FBXL20: variants seen among roughly 807,000 people sequenced by gnomAD.
The protein encoded by FBXL20 is F-box/LRR-repeat protein 20.
In FBXL20, 11 loss-of-function variants were observed where a neutral mutation model predicts 64.0. The ratio of observed to expected loss-of-function variants is 0.17; its 90% confidence interval spans 0.11 to 0.28. FBXL20 has a LOEUF of 0.28. Among genes scored for constraint, FBXL20 ranks in the 10% least tolerant of loss-of-function variants. The pLI is 1.00. For synonymous variants in FBXL20, 184 were observed against 189.0 expected (o/e 0.97, Z 0.22); for missense variants, 303 against 526.2 (o/e 0.58, Z 4.15).
rs151263876 is a variant in FBXL20 at position 39,367,317 on chromosome 17, T to C, written c.43-24076A>G. ...GGACCTCCTGGTTTATCTTTTTCTT[T>C]TCTTTTTTTTTTTTTTGGAGATAGA... On this transcript the variant is annotated intron_variant, in intron 1 of 14. Transcript: ENST00000264658. Among the ~76,000 whole-genome samples the C allele has an allele frequency of 8.8e-3, 1,332 of 151,628 alleles. 14 individuals carry two copies. The highest frequency in any genetic ancestry group is 0.031 in the African/African-American group (1,261 of 41,320).
At chr17:39,267,563 A>G (rs940230569) in intron 12 of FBXL20, among the ~76,000 whole-genome samples, 4 of 152,222 alleles carry the variant, frequency 2.6e-5, no homozygotes, top group Admixed American at 2.0e-4. Context: ...ACTACTCAGT[A>G]TCGATAACTT....
chr17:39,266,458 G>A (rs896310204), intron 12 of FBXL20, among the ~76,000 whole-genome samples: 1 of 152,142 alleles, frequency 6.6e-6, no homozygotes, highest in Non-Finnish European at 1.5e-5. Context: ...GACCTCAGGT[G>A]ATCCACCTAC....
At chr17:39,395,943 C>G (rs1438586562) in intron 1 of FBXL20, among the ~76,000 whole-genome samples, 1 of 151,466 alleles carries the variant, frequency 6.6e-6, no homozygotes, top group African/African-American at 2.4e-5. Context: ...TGCAACTCAT[C>G]CCGGAGGCAT....
At chr17:39,315,845 GA>G (rs2047285161) in intron 2 of FBXL20, among the ~76,000 whole-genome samples, 1 of 93,026 alleles carries the variant, frequency 1.1e-5, no homozygotes, top group African/African-American at 5.8e-5. Context: ...GAGAGAGAGA[GA>G]GAGAGAGAGA....
At chr17:39,398,643 C>T (rs922262848) in intron 1 of FBXL20, among the ~76,000 whole-genome samples, 1 of 152,066 alleles carries the variant, frequency 6.6e-6, no homozygotes, top group African/African-American at 2.4e-5. Flanking sequence ...GGATGCTACA[C>T]ATCTGGCTAA....
At chr17:39,282,064 G>A (rs1289730337) in intron 8 of FBXL20, among the ~76,000 whole-genome samples, 1 of 152,096 alleles carries the variant, frequency 6.6e-6, no homozygotes, top group Admixed American at 6.6e-5. Flanking sequence ...CCCTCTCATC[G>A]TGATAAAAGA....
At chr17:39,291,562 T>C (rs923826766) in intron 6 of FBXL20, among the ~76,000 whole-genome samples, 2 of 151,292 alleles carry the variant, frequency 1.3e-5, no homozygotes, top group African/African-American at 2.4e-5. Flanking sequence ...GTCTCCCAAG[T>C]ATCTGGGACC....
intron 2 of FBXL20, among the ~76,000 whole-genome samples, chr17:39,340,090 C>G (rs1161575931): frequency 6.6e-6 from 1 of 152,156 alleles, no homozygotes. Context: ...CCATGCCCAG[C>G]TAATTCCTGG....
chr17:39,350,582 C>T lies in FBXL20; in HGVS notation c.43-7341G>A, dbSNP rs531286271. 9.3e-5 allele frequency among the ~76,000 whole-genome samples: 14 copies of T among 150,638 alleles called. 1 individual carries two copies. The South Asian group carries it at 2.9e-3, about 32-fold the overall frequency. ...CTTTGGTCTATATAAACTGAGAATG[C>T]TGCTGCCTCTGTAGGAGCATTAAAG... is the stretch of plus-strand genomic sequence containing the variant. On this transcript the variant is annotated intron_variant, in intron 1 of 14. Coordinates refer to ENST00000264658, the MANE Select transcript of FBXL20 (RefSeq NM_032875.3).
At chr17:39,306,566 A>G (rs374404510) in intron 2 of FBXL20, among the ~76,000 whole-genome samples, 2 of 152,298 alleles carry the variant, frequency 1.3e-5, no homozygotes, top group South Asian at 4.1e-4. Flanking sequence ...ATTTGACCAT[A>G]TATGTGAAGG....
chr17:39,314,240 T>C (rs2047263440), intron 2 of FBXL20, among the ~76,000 whole-genome samples: 2 of 152,226 alleles, frequency 1.3e-5, no homozygotes, highest in African/African-American at 4.8e-5. Flanking sequence ...AATATATCCA[T>C]GTTGTTGCAC....
chr17:39,281,140 A>T (rs2046946789), intron 9 of FBXL20, among the ~76,000 whole-genome samples: 1 of 152,162 alleles, frequency 6.6e-6, no homozygotes, highest in Admixed American at 6.6e-5. Context: ...TATGTAAGAA[A>T]GGGGTGGAGC....
intron 1 of FBXL20, among the ~76,000 whole-genome samples, chr17:39,347,707 G>C (rs1030004060): frequency 2.6e-5 from 4 of 152,132 alleles, no homozygotes; most frequent in Non-Finnish European, 5.9e-5. Flanking sequence ...AGATGCCATT[G>C]GTCAATTTTG....
intron 7 of FBXL20, among the ~76,000 whole-genome samples, chr17:39,283,889 G>A: frequency 6.6e-6 from 1 of 150,722 alleles, no homozygotes; most frequent in East Asian, 1.9e-4. Flanking sequence ...ATTCCTGCCT[G>A]CAGAAAAGAT....
rs1316526219 is a variant in FBXL20 at position 39,379,246 on chromosome 17, T to C, written c.42+22115A>G. Among the ~76,000 whole-genome samples, 5 of 150,930 alleles carry C rather than the reference T, an allele frequency of 3.3e-5. No homozygotes were observed. In the East Asian group the frequency reaches 7.8e-4, roughly 23 times the overall value. ...AAATAAATAAAATAAAATAACATAA[T>C]AATAATAATAAAGGAAAATAACAAT... On this transcript the variant is annotated intron_variant, in intron 1 of 14. Transcript: ENST00000264658.
intron 6 of FBXL20, among the ~76,000 whole-genome samples, chr17:39,292,135 T>C (rs2047045013): frequency 1.3e-5 from 2 of 150,702 alleles, no homozygotes; most frequent in Admixed American, 6.6e-5. Context: ...ATCAAGTTCA[T>C]TGATAGTGTT....
intron 7 of FBXL20, among the ~76,000 whole-genome samples, chr17:39,283,823 A>G (rs1473916449): frequency 2.0e-5 from 3 of 152,304 alleles, no homozygotes; most frequent in Middle Eastern, 3.4e-3. Flanking sequence ...ATTATGGATG[A>G]ATTCCAAGTT....
intron 9 of FBXL20, 58 bp from the exon 10 acceptor site, chr17:39,275,158 GA>G: frequency 6.6e-7 from 1 of 1,506,582 alleles, no homozygotes; most frequent in Non-Finnish European, 8.9e-7. Flanking sequence ...AACAAAAAAA[GA>G]AAAAAATGAT....
At chr17:39,399,649 A>G (rs2048221827) in intron 1 of FBXL20, among the ~76,000 whole-genome samples, 1 of 152,172 alleles carries the variant, frequency 6.6e-6, no homozygotes, top group African/African-American at 2.4e-5. Context: ...TTCTCAGATC[A>G]TATTTAGAAA....
Sources: allele counts gnomAD v4.1 joint callset (sites outside exome capture counted in the v4.1 genomes callset), GRCh38; gene constraint gnomAD v4.1.1; transcripts MANE v1.5; gene names NCBI Gene and HGNC (gene_info 2026-07-23, HGNC 2026-07-21).